Variants in NECAB3 observed in about 807,000 individuals in gnomAD.
The protein encoded by NECAB3 is N-terminal EF-hand calcium binding protein 3, also known as N-terminal EF-hand calcium-binding protein 3.
Under a neutral mutation model 57.2 loss-of-function variants are expected in NECAB3, and 38 were observed. The ratio of observed to expected loss-of-function variants is 0.66; its 90% CI spans 0.51 to 0.87. The LOEUF (loss-of-function observed/expected upper bound fraction) is 0.87. Among genes scored for constraint, NECAB3 ranks in the 40% least tolerant of loss-of-function variants. The probability of loss-of-function intolerance (pLI) is 0.00; values close to 1 mark genes in which losing one functional copy is unlikely to be tolerated. For synonymous variants in NECAB3, 223 were observed against 222.6 expected (o/e 1.00, Z -0.02); for missense variants, 474 against 527.5 (o/e 0.90, Z 0.99).
At chr20:33,669,319 ACAG>A (rs2017774443) in intron 5 of NECAB3, 53 bp downstream of exon 5, 1 of 1,564,012 alleles carries the variant, frequency 6.4e-7, no homozygotes, top group Non-Finnish European at 8.8e-7. Context: ...ATCCCACAGC[ACAG>A]CAGATGCCCA....
Position 33,669,828 on chromosome 20 carries a change from C to G in NECAB3, c.264-116G>C, listed in dbSNP as rs1601173939. 7.2e-6 allele frequency: 8 copies of G among 1,111,126 alleles called. No individual in the cohort carries two copies. The East Asian group carries it at 2.1e-4, about 29-fold the overall frequency. The allele number at this position is 1,111,126 out of a possible 1,614,324, so 68.8% of individuals were successfully genotyped here. A position where few individuals can be genotyped will look rare whatever the true frequency, so the allele number is the denominator to read the frequency against. On this transcript the variant is annotated intron_variant, in intron 3 of 11. Coordinates refer to ENST00000246190, the MANE Select transcript of NECAB3 (RefSeq NM_031232.4). ...CCAGCTTAGCCTAACAAGGCCACTT[C>G]TGCTCCACCCCAGATTAAGTTGCTC...
rs1234667538 is a variant in NECAB3 at position 33,657,226 on chromosome 20, AGAATGGGTGGGATGAGGGCATGCAAAC to A, written c.*576_*602del. On this transcript the variant is annotated 3_prime_UTR_variant, in exon 12 of 12. Transcript: ENST00000246190. ...CCTTGGGGCTTCCCATACTGCCCTG[AGAATGGGTGGGATGAGGGCATGCAAAC>A]GATATGCAAATGACATGCAAACCAA... is the stretch of plus-strand genomic sequence containing the variant. The A allele has an allele frequency of 6.5e-6, 1 of 152,754 alleles. No homozygotes were observed. Among genetic ancestry groups the A allele is most frequent in the Non-Finnish European group, 1.5e-5 (1 of 68,106 alleles). The allele number at this position is 152,754 out of a possible 1,614,324, so 9.5% of individuals were successfully genotyped here.
At chr20:33,672,921 T>C (rs550870235) in intron 1 of NECAB3, among the ~76,000 whole-genome samples, 1 of 152,294 alleles carries the variant, frequency 6.6e-6, no homozygotes, top group East Asian at 1.9e-4. Context: ...CAGCAGGCAG[T>C]GGCTACTCTG....
chr20:33,662,752 C>A (rs949591607), intron 5 of NECAB3: 2 of 374,390 alleles, frequency 5.3e-6, no homozygotes, highest in Non-Finnish European at 4.9e-6. Context: ...TTGGCCTGGG[C>A]AACATAGGGA....
intron 3 of NECAB3, 148 bp from the exon 4 acceptor site, chr20:33,669,860 A>G: frequency 1.2e-6 from 1 of 827,684 alleles, no homozygotes; most frequent in South Asian, 1.8e-5. Flanking sequence ...GCTCCTGTGG[A>G]CAGAGTCCTT....
chr20:33,674,551 G>A, upstream of NECAB3: 2 of 389,038 alleles, frequency 5.1e-6, no homozygotes, highest in African/African-American at 2.1e-5. Flanking sequence ...GCGCTTCCGC[G>A]GCCACGGCGG....
At chr20:33,671,394 C>T (rs557871823) in intron 2 of NECAB3, among the ~76,000 whole-genome samples, 3 of 152,122 alleles carry the variant, frequency 2.0e-5, no homozygotes, top group South Asian at 2.1e-4. Context: ...CAGATGGGTG[C>T]GGGGAGCTGA....
chr20:33,663,371 G>T, intron 5 of NECAB3: 1 of 735,440 alleles, frequency 1.4e-6, no homozygotes, highest in South Asian at 2.0e-5. Flanking sequence ...GCCTGAATTG[G>T]ACAGGGGTCC....
At chr20:33,667,790 C>T in intron 5 of NECAB3, 1 of 1,612,498 alleles carries the variant, frequency 6.2e-7, no homozygotes, top group Non-Finnish European at 8.5e-7. Context: ...CTCCGCGACC[C>T]CGCCCGCCAC....
chr20:33,667,550 T>C (rs757228266), intron 5 of NECAB3: 3 of 1,551,404 alleles, frequency 1.9e-6, no homozygotes, highest in Non-Finnish European at 1.7e-6. Flanking sequence ...TTCAGCGGGC[T>C]GGCCGTGGAG....
At chr20:33,663,265 G>C (rs762174279) in intron 5 of NECAB3, 2 of 539,164 alleles carry the variant, frequency 3.7e-6, no homozygotes, top group Non-Finnish European at 6.5e-6. Flanking sequence ...AACTTAGACG[G>C]AGCTGGTCTC....
rs1442772354 is a variant in NECAB3 at position 33,663,445 on chromosome 20, G to C, written c.388-3050C>G. ...TGGACGACAGGACCCGGGTGGACGA[G>C]GGTCCCAGGAGAAGCGCGGAGCGGC... On this transcript the variant is annotated intron_variant, in intron 5 of 11. Transcript: ENST00000246190. 1.2e-5 allele frequency: 17 copies of C among 1,411,946 alleles called. No individual in the cohort carries two copies. In the East Asian group the frequency reaches 3.9e-4, roughly 32 times the overall value. The allele number at this position is 1,411,946 out of a possible 1,614,324, so 87.5% of individuals were successfully genotyped here.
At chr20:33,659,828 G>A in intron 7 of NECAB3, 57 bp downstream of exon 7, 1 of 1,533,784 alleles carries the variant, frequency 6.5e-7, no homozygotes, top group South Asian at 1.2e-5. Context: ...GGGCCCTGGG[G>A]GAAGGGGGGA....
chr20:33,658,097 T>G (rs1447146627), intron 10 of NECAB3, 64 bp from the exon 11 acceptor site: 19 of 1,441,022 alleles, frequency 1.3e-5, no homozygotes, highest in Non-Finnish European at 1.8e-5. Context: ...GCTGCCAGGA[T>G]CAGACCCCGG....
intron 5 of NECAB3, chr20:33,665,520 C>T (rs2017620571): frequency 6.6e-6 from 1 of 152,252 alleles, no homozygotes; most frequent in Middle Eastern, 3.2e-3. Context: ...CCCACAGCCC[C>T]GCAGTCAGAT....
upstream of NECAB3, chr20:33,674,967 G>T (rs910646357): frequency 6.6e-6 from 1 of 151,994 alleles, no homozygotes; most frequent in Non-Finnish European, 1.5e-5. Flanking sequence ...TTTAAGATGC[G>T]AAAGAGGAGG....
At position 33,669,478 on chromosome 20, in the gene NECAB3, G is replaced by A. The variant is rs2017779989; in HGVS notation, c.290-6C>T. 1.2e-6 allele frequency: 2 copies of A among 1,613,474 alleles called. No individual in the cohort carries two copies. The highest frequency in any genetic ancestry group is 8.5e-7 in the Non-Finnish European group (1 of 1,179,992). On this transcript the variant is annotated splice_region_variant and splice_polypyrimidine_tract_variant and intron_variant, in intron 4 of 11. Transcript: ENST00000246190. ...CAGGTGCTCTGAGAAGTAGTCTGCA[G>A]GCAGAAGAGGTGCTCAAGGGTTCCT...
intron 5 of NECAB3, chr20:33,663,299 A>G: frequency 1.8e-6 from 1 of 563,216 alleles, no homozygotes; most frequent in East Asian, 3.3e-5. Flanking sequence ...GGGATGGATG[A>G]GGGTTTCCAG....
chr20:33,659,512 G>A lies in NECAB3; in HGVS notation c.864C>T (p.Ala288=). 1 of 1,500,174 alleles carries A rather than the reference G, an allele frequency of 6.7e-7. No homozygotes were observed. Among genetic ancestry groups the A allele is most frequent in the Non-Finnish European group, 8.9e-7 (1 of 1,118,612 alleles). The allele number at this position is 1,500,174 out of a possible 1,614,324, so 92.9% of individuals were successfully genotyped here. Residue 288 remains alanine (A), a synonymous_variant, in exon 8 of 12, where the codon GCC becomes GCT. Coordinates refer to ENST00000246190, the MANE Select transcript of NECAB3 (RefSeq NM_031232.4). Reference sequence around the variant, plus strand: ...CTGGGCTCACCAAGTCAGGCCCCTTGGCCAGGTCCTCTTCACGCAGGGGTT... The same window carrying A: ...CTGGGCTCACCAAGTCAGGCCCCTTAGCCAGGTCCTCTTCACGCAGGGGTT... ...RLEPLREEDL[A]KGPDLHILMA... is the part of the protein sequence containing the mutation.
Sources: allele counts gnomAD v4.1 joint callset (sites outside exome capture counted in the v4.1 genomes callset), GRCh38; gene constraint gnomAD v4.1.1; transcripts MANE v1.5; gene names NCBI Gene and HGNC (gene_info 2026-07-23, HGNC 2026-07-21).